Variants in LRP1B observed in about 807,000 individuals in gnomAD.
LRP1B encodes low-density lipoprotein receptor-related protein 1B.
A neutral mutation model predicts 556.6 loss-of-function variants in LRP1B; 217 were observed. The observed-to-expected ratio is 0.39, with a 90% CI of 0.35 to 0.44. The LOEUF (loss-of-function observed/expected upper bound fraction) is 0.44. Ranked by LOEUF, LRP1B falls within the 20% of genes least tolerant of loss-of-function variation. LRP1B has a pLI of 1.00. For missense variants in LRP1B, 5,053 were observed against 5,620.8 expected, an observed-to-expected ratio of 0.90 and a Z score of 3.23; for synonymous variants, 2,047 against 1,865.8, an observed-to-expected ratio of 1.10 and a Z score of -2.50.
chr2:141,291,663 T>C (rs529588854), intron 3 of LRP1B, among the ~76,000 whole-genome samples: 268 of 152,064 alleles, frequency 1.8e-3, no homozygotes, highest in African/African-American at 6.1e-3. Flanking sequence ...GAGACCATCC[T>C]GGCTAACACG....
chr2:140,989,518 A>T lies in LRP1B; in HGVS notation c.2770+14T>A, dbSNP rs1181454856. ...TTGGAGGAGATTTACGTGTATATCC[A>T]AGCAAACCTTTACCTGTGCAAGTTT... On this transcript the variant is annotated intron_variant, in intron 17 of 90. Coordinates refer to ENST00000389484, the MANE Select transcript of LRP1B (RefSeq NM_018557.3). 1 of 1,612,404 alleles carries T rather than the reference A, an allele frequency of 6.2e-7. No homozygotes were observed. Among genetic ancestry groups the T allele is most frequent in the Admixed American group, 1.7e-5 (1 of 59,964 alleles).
chr2:140,980,080 A>G (rs2105340617), intron 18 of LRP1B, among the ~76,000 whole-genome samples: 1 of 152,132 alleles, frequency 6.6e-6, no homozygotes, highest in East Asian at 1.9e-4. Context: ...ATAAAGAAAC[A>G]GGTCTTGCCC....
intron 27 of LRP1B, among the ~76,000 whole-genome samples, chr2:140,858,822 C>T (rs1573811193): frequency 1.3e-5 from 2 of 151,692 alleles, no homozygotes; most frequent in Admixed American, 6.6e-5. Flanking sequence ...CTTATAAGTG[C>T]GAATATGTGG....
intron 2 of LRP1B, among the ~76,000 whole-genome samples, chr2:141,613,787 ACTTTGCCGGGTATGGCAGCTC>A (rs1380609891): frequency 6.6e-6 from 1 of 152,134 alleles, no homozygotes; most frequent in Non-Finnish European, 1.5e-5. Flanking sequence ...GAAAATGTTT[ACTTTGCCGGGTATGGCAGCTC>A]ATGCATGTAA....
At chr2:140,847,194 G>A (rs1692298793) in intron 29 of LRP1B, among the ~76,000 whole-genome samples, 4 of 152,098 alleles carry the variant, frequency 2.6e-5, no homozygotes, top group Non-Finnish European at 1.5e-5. Flanking sequence ...AGAGTTCACT[G>A]CTCATCTACT....
intron 17 of LRP1B, among the ~76,000 whole-genome samples, chr2:140,988,092 C>A (rs1181362705): frequency 6.6e-6 from 1 of 152,084 alleles, no homozygotes; most frequent in South Asian, 2.1e-4. Flanking sequence ...AAAATTCTAG[C>A]TAATATGCAG....
intron 1 of LRP1B, among the ~76,000 whole-genome samples, chr2:141,876,051 C>T (rs1175780167): frequency 1.3e-5 from 2 of 151,830 alleles, no homozygotes; most frequent in East Asian, 1.9e-4. Flanking sequence ...TACTGATTTT[C>T]TTTGGAAGAA....
intron 43 of LRP1B, among the ~76,000 whole-genome samples, chr2:140,562,082 C>A (rs1416540863): frequency 1.3e-5 from 2 of 152,050 alleles, no homozygotes; most frequent in Non-Finnish European, 2.9e-5. Flanking sequence ...GAAATTTCCT[C>A]AAACTGATAA....
At chr2:140,978,091 A>G (rs550973495) in intron 18 of LRP1B, among the ~76,000 whole-genome samples, 34 of 152,310 alleles carry the variant, frequency 2.2e-4, no homozygotes, top group African/African-American at 7.2e-4. Flanking sequence ...ACTACTAAAA[A>G]AGTTAAACAA....
intron 66 of LRP1B, among the ~76,000 whole-genome samples, chr2:140,401,333 G>T (rs1411976669): frequency 6.6e-6 from 1 of 152,180 alleles, no homozygotes; most frequent in Non-Finnish European, 1.5e-5. Flanking sequence ...GCAGAGCACT[G>T]TGGGAGTGAG....
At chr2:142,034,318 T>C (rs1378592595) in intron 1 of LRP1B, among the ~76,000 whole-genome samples, 1 of 151,766 alleles carries the variant, frequency 6.6e-6, no homozygotes, top group African/African-American at 2.4e-5. Flanking sequence ...ATCTAATTTC[T>C]TTATGAGCCT....
intron 2 of LRP1B, among the ~76,000 whole-genome samples, chr2:141,578,079 C>A (rs1005122328): frequency 1.3e-5 from 2 of 152,088 alleles, no homozygotes; most frequent in Non-Finnish European, 2.9e-5. Flanking sequence ...AATAGATCAT[C>A]TACTTAAAAA....
intron 7 of LRP1B, among the ~76,000 whole-genome samples, chr2:141,073,191 C>T (rs1699692563): frequency 6.6e-6 from 1 of 152,116 alleles, no homozygotes; most frequent in Non-Finnish European, 1.5e-5. Flanking sequence ...CCCTTACGCA[C>T]ACTTCCTGAC....
At chr2:140,274,268 T>G (rs984834038) in intron 85 of LRP1B, among the ~76,000 whole-genome samples, 156 bp downstream of exon 85, 1 of 151,984 alleles carries the variant, frequency 6.6e-6, no homozygotes, top group Admixed American at 6.6e-5. Context: ...CAAATTAAAG[T>G]GAACTAGACT....
intron 66 of LRP1B, among the ~76,000 whole-genome samples, chr2:140,426,814 TGACTCG>T: frequency 6.6e-6 from 1 of 152,326 alleles, no homozygotes; most frequent in Middle Eastern, 3.4e-3. Flanking sequence ...TTTGGTGCCG[TGACTCG>T]GATCGGGGGA....
At position 141,263,751 on chromosome 2, in the gene LRP1B, AAAATTACT is replaced by A. The variant is rs1684786360; in HGVS notation, c.344-9118_344-9111del. Among the ~76,000 whole-genome samples the A allele has an allele frequency of 3.9e-5, 6 of 152,298 alleles. No individual in the cohort carries two copies. The South Asian group carries it at 1.2e-3, about 32-fold the overall frequency. ...TATGAATATAGATGTGAAATTCTTC[AAAATTACT>A]AACCACTAAAATCCAGCAATATATA... On this transcript the variant is annotated intron_variant, in intron 3 of 90. Transcript: ENST00000389484.
chr2:140,834,523 C>A (rs989011362), intron 31 of LRP1B, among the ~76,000 whole-genome samples: 1 of 152,142 alleles, frequency 6.6e-6, no homozygotes, highest in African/African-American at 2.4e-5. Context: ...CAAGCGTGAG[C>A]CCCCGCGCCT....
intron 23 of LRP1B, among the ~76,000 whole-genome samples, chr2:140,901,917 T>A (rs901576752): frequency 6.6e-6 from 1 of 152,120 alleles, no homozygotes; most frequent in South Asian, 2.1e-4. Context: ...AATAATAAGA[T>A]CCAGCAGTGG....
chr2:140,617,262 A>T (rs532411188), intron 41 of LRP1B, among the ~76,000 whole-genome samples: 5 of 152,132 alleles, frequency 3.3e-5, no homozygotes, highest in African/African-American at 1.2e-4. Context: ...GAATGTAAGC[A>T]TCTTAAGATG....
Sources: gnomAD v4.1 joint callset for allele counts (sites outside exome capture counted in the v4.1 genomes callset) on GRCh38, gnomAD v4.1.1 for gene constraint, MANE v1.5 for transcripts, NCBI Gene and HGNC (gene_info 2026-07-23, HGNC 2026-07-21) for gene names.